The following PTPRD variants were observed in gnomAD, a reference collection of about 807,000 sequenced individuals.
PTPRD encodes receptor-type tyrosine-protein phosphatase delta.
Under a neutral mutation model 214.5 loss-of-function variants are expected in PTPRD, and 34 were observed. The ratio of observed to expected loss-of-function variants is 0.16; its 90% CI spans 0.12 to 0.21. PTPRD has a LOEUF of 0.21. Among genes scored for constraint, PTPRD ranks in the 10% least tolerant of loss-of-function variants. The probability of loss-of-function intolerance (pLI) is 1.00; values close to 1 mark genes in which losing one functional copy is unlikely to be tolerated. For missense variants in PTPRD, 2,545 were observed against 2,398.7 expected, an observed-to-expected ratio of 1.06 and a Z score of -1.27; for synonymous variants, 1,128 against 845.7, an observed-to-expected ratio of 1.33 and a Z score of -5.79.
Position 9,619,792 on chromosome 9 carries a change from T to C in PTPRD, c.-286-45011A>G, listed in dbSNP as rs921351982. On this transcript the variant is annotated intron_variant, in intron 7 of 45. Transcript: ENST00000381196. ...ATATAAGTATATACAAATATCTATC[T>C]ATATAGAAATACATTTATATAAATA... 2.0e-5 allele frequency among the ~76,000 whole-genome samples: 3 copies of C among 146,898 alleles called. No individual in the cohort carries two copies. In the Admixed American group the frequency reaches 2.1e-4, roughly 10 times the overall value.
intron 5 of PTPRD, among the ~76,000 whole-genome samples, chr9:9,768,098 T>C (rs1320702366): frequency 1.3e-5 from 2 of 152,170 alleles, no homozygotes; most frequent in African/African-American, 2.4e-5. Flanking sequence ...TTTATACATA[T>C]ATAAAATCCC....
At chr9:10,387,836 TTTTTTTTTGA>T (rs2097953016) in intron 2 of PTPRD, among the ~76,000 whole-genome samples, 2 of 144,828 alleles carry the variant, frequency 1.4e-5, no homozygotes, top group African/African-American at 5.1e-5. Flanking sequence ...TTTTTTTTTT[TTTTTTTTTGA>T]GAAAAGGTCT....
chr9:8,827,488 T>C (rs1601110492), intron 11 of PTPRD, among the ~76,000 whole-genome samples: 1 of 152,014 alleles, frequency 6.6e-6, no homozygotes, highest in South Asian at 2.1e-4. Context: ...ACCCCTGTAA[T>C]TTCAGCTACT....
At chr9:9,646,976 A>G (rs543330605) in intron 7 of PTPRD, among the ~76,000 whole-genome samples, 155 of 152,298 alleles carry the variant, frequency 1.0e-3, no homozygotes, top group African/African-American at 3.7e-3. Context: ...GGGCTCATAT[A>G]GAGTATATAC....
At chr9:10,054,904 G>A (rs1049242516) in intron 3 of PTPRD, among the ~76,000 whole-genome samples, 1 of 152,054 alleles carries the variant, frequency 6.6e-6, no homozygotes, top group South Asian at 2.1e-4. Context: ...GTATTTGGGG[G>A]TGGGGTCTTT....
intron 4 of PTPRD, among the ~76,000 whole-genome samples, chr9:10,025,491 C>G (rs539095458): frequency 1.4e-4 from 22 of 152,176 alleles, no homozygotes; most frequent in Admixed American, 1.4e-3. Flanking sequence ...AACCATTAGA[C>G]AGCCAGATTT....
intron 9 of PTPRD, among the ~76,000 whole-genome samples, chr9:9,207,014 T>C (rs114692138): frequency 9.7e-4 from 148 of 152,316 alleles, no homozygotes; most frequent in African/African-American, 3.4e-3. Flanking sequence ...TAATAGGGAC[T>C]CAAATCAGAG....
rs562160066 is a variant in PTPRD at position 10,311,847 on chromosome 9, T to A, written c.-545+29116A>T. On this transcript the variant is annotated intron_variant, in intron 3 of 45. Coordinates refer to ENST00000381196, the MANE Select transcript of PTPRD (RefSeq NM_002839.4). ...ACGCGGTAATTCTGATGACATAAAA[T>A]GCTTTTTCAGGTGAGCTTGGTGTGA... Among the ~76,000 whole-genome samples the A allele has an allele frequency of 2.3e-3, 345 of 152,148 alleles. 3 individuals carry two copies. The highest frequency in any genetic ancestry group is 8.1e-3 in the African/African-American group (336 of 41,540).
chr9:10,042,447 C>T (rs1399610849), intron 3 of PTPRD, among the ~76,000 whole-genome samples: 3 of 151,838 alleles, frequency 2.0e-5, no homozygotes, highest in Admixed American at 2.0e-4. Flanking sequence ...CAGACCATTT[C>T]CTGAGAACCC....
intron 3 of PTPRD, among the ~76,000 whole-genome samples, chr9:10,257,014 A>C (rs1296420874): frequency 6.6e-6 from 1 of 152,186 alleles, no homozygotes; most frequent in Non-Finnish European, 1.5e-5. Flanking sequence ...GAGCACATAT[A>C]TCTGATTGAA....
intron 44 of PTPRD, among the ~76,000 whole-genome samples, chr9:8,323,501 A>G (rs1312942040): frequency 6.6e-6 from 1 of 152,202 alleles, no homozygotes; most frequent in Non-Finnish European, 1.5e-5. Flanking sequence ...GAGAAGATCA[A>G]ATTATCAACA....
intron 9 of PTPRD, among the ~76,000 whole-genome samples, chr9:9,241,478 C>G (rs1349379515): frequency 6.6e-6 from 1 of 152,060 alleles, no homozygotes; most frequent in Non-Finnish European, 1.5e-5. Context: ...TATGACCAGA[C>G]AACTTTGAGA....
chr9:9,553,834 T>G (rs577579607), intron 8 of PTPRD, among the ~76,000 whole-genome samples: 1 of 152,198 alleles, frequency 6.6e-6, no homozygotes, highest in South Asian at 2.1e-4. Context: ...AAATAATGCT[T>G]ACACATTCTC....
intron 2 of PTPRD, among the ~76,000 whole-genome samples, chr9:10,351,417 T>C (rs527564502): frequency 6.6e-6 from 1 of 152,246 alleles, no homozygotes; most frequent in East Asian, 1.9e-4. Flanking sequence ...AAGAGTCACA[T>C]ACACACATCT....
intron 2 of PTPRD, among the ~76,000 whole-genome samples, chr9:10,497,015 G>C (rs1184045767): frequency 3.3e-5 from 5 of 151,990 alleles, no homozygotes; most frequent in Non-Finnish European, 7.4e-5. Flanking sequence ...GATGCAGATG[G>C]TGGCCATAAT....
chr9:9,508,847 A>G (rs1280406885), intron 8 of PTPRD, among the ~76,000 whole-genome samples: 1 of 151,554 alleles, frequency 6.6e-6, no homozygotes, highest in Non-Finnish European at 1.5e-5. Flanking sequence ...TCTTCCTTGA[A>G]TGATCCATTA....
chr9:9,465,416 T>A (rs926435440), intron 8 of PTPRD, among the ~76,000 whole-genome samples: 3 of 152,160 alleles, frequency 2.0e-5, no homozygotes, highest in African/African-American at 7.2e-5. Flanking sequence ...CAAAAACCAA[T>A]ATGCAAACTG....
chr9:10,594,281 C>T (rs537371924), intron 2 of PTPRD, among the ~76,000 whole-genome samples: 21 of 152,002 alleles, frequency 1.4e-4, no homozygotes, highest in Non-Finnish European at 2.4e-4. Flanking sequence ...TTGCACATGT[C>T]TTCAGTAAAA....
chr9:8,986,426 T>A (rs981828294), intron 11 of PTPRD, among the ~76,000 whole-genome samples: 3 of 151,884 alleles, frequency 2.0e-5, no homozygotes, highest in Non-Finnish European at 4.4e-5. Flanking sequence ...TATAATTTTT[T>A]GTGTTTTAAA....
Sources: allele counts gnomAD v4.1 joint callset (sites outside exome capture counted in the v4.1 genomes callset), GRCh38; gene constraint gnomAD v4.1.1; transcripts MANE v1.5; gene names NCBI Gene and HGNC (gene_info 2026-07-23, HGNC 2026-07-21).